The following TNNI3K variants were observed in gnomAD, a reference collection of about 807,000 sequenced individuals.
TNNI3K encodes the protein serine/threonine-protein kinase TNNI3K.
TNNI3K carries 140 observed loss-of-function variants against 114.5 expected under a neutral mutation model. The observed-to-expected ratio is 1.22, with a 90% confidence interval of 1.07 to 1.41. The LOEUF (loss-of-function observed/expected upper bound fraction) is 1.41. Ranked by LOEUF, TNNI3K falls within the 40% of genes most tolerant of loss-of-function variation. The pLI is 0.00. For synonymous variants in TNNI3K, 347 were observed against 347.5 expected, an observed-to-expected ratio of 1.00 and a Z score of 0.02; for missense variants, 1,125 against 1,007.6, an observed-to-expected ratio of 1.12 and a Z score of -1.58.
intron 11 of TNNI3K, among the ~76,000 whole-genome samples, chr1:74,364,274 G>A (rs1224926341): frequency 4.0e-5 from 6 of 151,732 alleles, no homozygotes; most frequent in Admixed American, 3.9e-4. Flanking sequence ...CAAAACACTG[G>A]GGTATGAGTC....
chr1:74,529,248 C>A (rs1405838850), intron 23 of TNNI3K, among the ~76,000 whole-genome samples: 1 of 152,076 alleles, frequency 6.6e-6, no homozygotes, highest in Non-Finnish European at 1.5e-5. Flanking sequence ...TCAAAATTAA[C>A]AACACAATAA....
chr1:74,426,150 A>C (rs939087009), intron 17 of TNNI3K, among the ~76,000 whole-genome samples: 2 of 152,122 alleles, frequency 1.3e-5, no homozygotes, highest in African/African-American at 2.4e-5. Flanking sequence ...AGATGGAGAT[A>C]CCATAGTAAA....
At chr1:74,304,021 T>C (rs1257728105) in intron 5 of TNNI3K, among the ~76,000 whole-genome samples, 2 of 152,212 alleles carry the variant, frequency 1.3e-5, no homozygotes, top group African/African-American at 4.8e-5. Context: ...GATGAGGAAT[T>C]CTTCTTATGG....
chr1:74,543,513 C>A lies in TNNI3K; in HGVS notation c.2432-393C>A, dbSNP rs561918574. On this transcript the variant is annotated intron_variant, in intron 24 of 24. Coordinates refer to ENST00000326637, the MANE Select transcript of TNNI3K (RefSeq NM_015978.3). ...TTCTCCCATTTACAGATGAACACAC[C>A]GAGGCATAGAAAGGTTAAGTTGACA... Among the ~76,000 whole-genome samples the A allele has an allele frequency of 2.6e-5, 4 of 152,228 alleles. No individual in the cohort carries two copies. In the East Asian group the frequency reaches 7.7e-4, roughly 29 times the overall value.
At position 74,250,831 on chromosome 1, in the gene TNNI3K, CT is replaced by C. The variant is rs11437074; in HGVS notation, c.333+78del. The C allele has an allele frequency of 0.14, 135,153 of 947,296 alleles. 2,979 individuals carry two copies. Among genetic ancestry groups the C allele is most frequent in the South Asian group, 0.16 (5,862 of 35,742 alleles). The allele number at this position is 947,296 out of a possible 1,614,324, so 58.7% of individuals were successfully genotyped here. A position where few individuals can be genotyped will look rare whatever the true frequency, so the allele number is the denominator to read the frequency against. On this transcript the variant is annotated intron_variant, in intron 4 of 24. Transcript: ENST00000326637. ...ACTAAGGATAGTGTGTATCTTTAGGCTTTTTTTTTTTTTTTTCAAATTAGTA... is the reference window on the plus strand; with the variant it reads ...ACTAAGGATAGTGTGTATCTTTAGGCTTTTTTTTTTTTTTTCAAATTAGTA...
chr1:74,515,689 G>T (rs1249065475), intron 23 of TNNI3K, among the ~76,000 whole-genome samples: 1 of 152,180 alleles, frequency 6.6e-6, no homozygotes, highest in Non-Finnish European at 1.5e-5. Flanking sequence ...CACAACAGGT[G>T]AGGGATGGAG....
chr1:74,236,349 A>G (rs922528322), intron 2 of TNNI3K, 139 bp downstream of exon 2: 3 of 632,674 alleles, frequency 4.7e-6, no homozygotes, highest in African/African-American at 3.9e-5. Context: ...ATGTCAGATT[A>G]TCTCTCTTTG....
At chr1:74,385,152 T>C (rs1166894715) in intron 17 of TNNI3K, among the ~76,000 whole-genome samples, 1 of 152,164 alleles carries the variant, frequency 6.6e-6, no homozygotes, top group Non-Finnish European at 1.5e-5. Context: ...GTACATACCA[T>C]ATTATCCCAC....
chr1:74,405,902 G>A (rs544973825), intron 17 of TNNI3K, among the ~76,000 whole-genome samples: 2 of 152,148 alleles, frequency 1.3e-5, no homozygotes, highest in Non-Finnish European at 2.9e-5. Flanking sequence ...TTCACATTTA[G>A]TTATATTCAC....
intron 11 of TNNI3K, among the ~76,000 whole-genome samples, chr1:74,354,701 G>A (rs1236442604): frequency 2.6e-5 from 4 of 152,094 alleles, no homozygotes; most frequent in Non-Finnish European, 5.9e-5. Flanking sequence ...TTGATCTTGT[G>A]CAAATTATTT....
At chr1:74,251,206 C>A (rs2100848696) in intron 4 of TNNI3K, among the ~76,000 whole-genome samples, 1 of 152,240 alleles carries the variant, frequency 6.6e-6, no homozygotes, top group Non-Finnish European at 1.5e-5. Context: ...TCTTAAAAAA[C>A]CTTTTTGCTT....
chr1:74,347,255 G>A (rs536932714), intron 9 of TNNI3K, among the ~76,000 whole-genome samples: 1 of 148,878 alleles, frequency 6.7e-6, no homozygotes, highest in South Asian at 2.1e-4. Flanking sequence ...GCAGTGTTTG[G>A]TTTTTTATCC....
chr1:74,472,514 A>G (rs1407501928), intron 21 of TNNI3K, among the ~76,000 whole-genome samples: 2 of 152,190 alleles, frequency 1.3e-5, no homozygotes, highest in Non-Finnish European at 2.9e-5. Flanking sequence ...TATGAATAGT[A>G]TGTAAATCCT....
At chr1:74,413,869 A>C (rs1404326496) in intron 17 of TNNI3K, among the ~76,000 whole-genome samples, 3 of 152,192 alleles carry the variant, frequency 2.0e-5, no homozygotes, top group African/African-American at 7.2e-5. Flanking sequence ...CAGTTCTTTT[A>C]ATGGTGTGAT....
intron 17 of TNNI3K, chr1:74,372,083 A>T (rs1662640201): frequency 1.3e-5 from 1 of 75,340 alleles, no homozygotes; most frequent in Non-Finnish European, 3.1e-5. Flanking sequence ...GTTACAAGAT[A>T]GTTTTTAAGA....
At chr1:74,395,556 T>A (rs1664034150) in intron 17 of TNNI3K, among the ~76,000 whole-genome samples, 1 of 152,174 alleles carries the variant, frequency 6.6e-6, no homozygotes, top group African/African-American at 2.4e-5. Flanking sequence ...AACTGGACTA[T>A]GTGTACTGCC....
chr1:74,259,559 A>G (rs1023989944), intron 4 of TNNI3K, among the ~76,000 whole-genome samples: 1 of 152,244 alleles, frequency 6.6e-6, no homozygotes, highest in East Asian at 1.9e-4. Context: ...AGGCAGGTGG[A>G]TCACTTGAGC....
At chr1:74,480,940 G>T (rs1414538740) in intron 21 of TNNI3K, 2 of 716,638 alleles carry the variant, frequency 2.8e-6, no homozygotes, top group Non-Finnish European at 5.2e-6. Flanking sequence ...CATCGGTGAT[G>T]ATTAAAACCC....
chr1:74,537,811 A>C (rs1399046169), intron 23 of TNNI3K, among the ~76,000 whole-genome samples: 1 of 152,158 alleles, frequency 6.6e-6, no homozygotes, highest in African/African-American at 2.4e-5. Context: ...GGGAGTTTTC[A>C]AGAGGGCTTC....
Sources: allele counts gnomAD v4.1 joint callset (sites outside exome capture counted in the v4.1 genomes callset), GRCh38; gene constraint gnomAD v4.1.1; transcripts MANE v1.5; gene names NCBI Gene and HGNC (gene_info 2026-07-23, HGNC 2026-07-21).